MAGI2: variants seen among roughly 807,000 people sequenced by gnomAD.
The protein encoded by MAGI2 is membrane-associated guanylate kinase, WW and PDZ domain-containing protein 2.
In MAGI2, 35 loss-of-function variants were observed where a neutral mutation model predicts 133.3. The ratio of observed to expected loss-of-function variants is 0.26; its 90% confidence interval spans 0.20 to 0.35. The LOEUF is 0.35. MAGI2 is among the 10% of genes least tolerant of loss of function. The pLI, the probability that MAGI2 is intolerant of heterozygous loss-of-function variation, is 1.00. For synonymous variants in MAGI2, 729 were observed against 710.6 expected (o/e 1.03, Z -0.41); for missense variants, 1,636 against 1,863.4 (o/e 0.88, Z 2.25).
At chr7:79,018,107 G>C (rs1430789282) in intron 1 of MAGI2, among the ~76,000 whole-genome samples, 1 of 151,928 alleles carries the variant, frequency 6.6e-6, no homozygotes, top group East Asian at 1.9e-4. Context: ...TACTACACAA[G>C]ATTCTCAAAG....
At chr7:78,817,590 C>T (rs187753239) in intron 2 of MAGI2, among the ~76,000 whole-genome samples, 81 of 152,272 alleles carry the variant, frequency 5.3e-4, no homozygotes, top group African/African-American at 1.9e-3. Context: ...CATTGGCAAC[C>T]AGATTATGAC....
chr7:78,294,315 A>G (rs1797015057), intron 9 of MAGI2, among the ~76,000 whole-genome samples: 1 of 152,150 alleles, frequency 6.6e-6, no homozygotes, highest in Non-Finnish European at 1.5e-5. Flanking sequence ...ATTCCAAAAT[A>G]GGGAGTATTA....
chr7:78,659,607 C>G (rs1812711626), intron 2 of MAGI2, among the ~76,000 whole-genome samples: 1 of 151,796 alleles, frequency 6.6e-6, no homozygotes, highest in African/African-American at 2.4e-5. Context: ...AAATGGAGAA[C>G]AGATTACTTG....
At chr7:79,212,413 T>C (rs770152056) in intron 1 of MAGI2, among the ~76,000 whole-genome samples, 8 of 152,160 alleles carry the variant, frequency 5.3e-5, no homozygotes, top group Non-Finnish European at 1.2e-4. Flanking sequence ...GTTTAAAAGA[T>C]ACTGCAAAAT....
intron 1 of MAGI2, among the ~76,000 whole-genome samples, chr7:79,254,318 C>T (rs532928463): frequency 3.9e-4 from 59 of 152,072 alleles, no homozygotes; most frequent in African/African-American, 1.4e-3. Context: ...TTGTGTTTGT[C>T]TTTTGACTTG....
intron 1 of MAGI2, among the ~76,000 whole-genome samples, chr7:79,091,540 G>A (rs574570077): frequency 2.7e-4 from 41 of 152,170 alleles, no homozygotes; most frequent in Non-Finnish European, 4.6e-4. Flanking sequence ...GCCTTTAAAA[G>A]ATACTAGATT....
intron 20 of MAGI2, among the ~76,000 whole-genome samples, chr7:78,113,595 G>C (rs1201242721): frequency 6.6e-6 from 1 of 152,108 alleles, no homozygotes; most frequent in Non-Finnish European, 1.5e-5. Flanking sequence ...ACAATAACAT[G>C]CTGTCCAGGT....
chr7:79,199,559 C>T (rs10234911), intron 1 of MAGI2, among the ~76,000 whole-genome samples: 25,516 of 151,864 alleles, frequency 0.17, 5,346 homozygotes, highest in African/African-American at 0.49. Context: ...TCTAAAAGCA[C>T]GTTTCTTAAC....
rs536330019 is a variant in MAGI2, at chr7:78,265,349, A to G, written c.1409-8768T>C. On this transcript the variant is annotated intron_variant, in intron 9 of 21. Coordinates refer to ENST00000354212, the MANE Select transcript of MAGI2 (RefSeq NM_012301.4). ...AGTAAAGCCACAAAAAAGAAAGCAC[A>G]AAAGACTGTTTCTTGCAAAGCTCCA... 4.6e-5 allele frequency among the ~76,000 whole-genome samples: 7 copies of G among 152,338 alleles called. No individual in the cohort carries two copies. In the South Asian group the frequency reaches 1.5e-3, roughly 32 times the overall value.
intron 2 of MAGI2, among the ~76,000 whole-genome samples, chr7:78,788,501 C>T (rs1056837815): frequency 1.3e-5 from 2 of 151,820 alleles, no homozygotes; most frequent in African/African-American, 4.8e-5. Context: ...CTTCATTTTG[C>T]CTTTGACTGC....
intron 5 of MAGI2, among the ~76,000 whole-genome samples, chr7:78,495,811 T>C (rs547144088): frequency 1.9e-4 from 29 of 152,192 alleles, no homozygotes; most frequent in Non-Finnish European, 4.1e-4. Flanking sequence ...TGGATGTGTA[T>C]TGCACACTGT....
chr7:79,348,647 A>T (rs7804381), intron 1 of MAGI2, among the ~76,000 whole-genome samples: 47,004 of 151,630 alleles, frequency 0.31, 7,585 homozygotes, highest in Admixed American at 0.38. Flanking sequence ...ACAAATCAAA[A>T]AGACGAGTTT....
chr7:79,186,682 C>A (rs957895969), intron 1 of MAGI2, among the ~76,000 whole-genome samples: 4 of 106,758 alleles, frequency 3.7e-5, no homozygotes, highest in Admixed American at 1.8e-4. Flanking sequence ...ACATTTTATA[C>A]GAGTATATAT....
intron 2 of MAGI2, among the ~76,000 whole-genome samples, chr7:78,906,744 T>C (rs28670464): frequency 0.093 from 14,197 of 152,134 alleles, 1,560 homozygotes; most frequent in African/African-American, 0.25. Flanking sequence ...ATAAAGCTTA[T>C]AGAAATTATA....
chr7:79,171,098 C>A (rs952771826), intron 1 of MAGI2, among the ~76,000 whole-genome samples: 1 of 152,082 alleles, frequency 6.6e-6, no homozygotes, highest in Non-Finnish European at 1.5e-5. Flanking sequence ...GCTGCCATTA[C>A]AAAGTACCAT....
chr7:78,120,995 C>T (rs1205503105), intron 20 of MAGI2, among the ~76,000 whole-genome samples: 2 of 59,130 alleles, frequency 3.4e-5, no homozygotes, highest in African/African-American at 6.7e-5. Context: ...AGCGAGACTC[C>T]GTCTCAAAAA....
chr7:78,178,444 T>C (rs1416035849), intron 13 of MAGI2, among the ~76,000 whole-genome samples: 1 of 152,170 alleles, frequency 6.6e-6, no homozygotes, highest in African/African-American at 2.4e-5. Flanking sequence ...GACTGTCACT[T>C]TGAGGATGTT....
intron 2 of MAGI2, among the ~76,000 whole-genome samples, chr7:78,789,769 G>A (rs1827115302): frequency 1.3e-5 from 2 of 152,114 alleles, no homozygotes. Context: ...ACCTTGTTGT[G>A]CTATCACGTA....
At chr7:78,558,837 GT>G (rs10691115) in intron 3 of MAGI2, among the ~76,000 whole-genome samples, 5,056 of 129,968 alleles carry the variant, frequency 0.039, 217 homozygotes, top group African/African-American at 0.12. Context: ...TTGAGACACC[GT>G]TTTTTTTTTT....
Sources: allele counts gnomAD v4.1 joint callset (sites outside exome capture counted in the v4.1 genomes callset), GRCh38; gene constraint gnomAD v4.1.1; transcripts MANE v1.5; gene names NCBI Gene and HGNC (gene_info 2026-07-23, HGNC 2026-07-21).